ODF4: variants seen among roughly 807,000 people sequenced by gnomAD.
ODF4 encodes outer dense fiber protein 4.
ODF4 carries 11 observed loss-of-function variants against 17.0 expected under a neutral mutation model. The ratio of observed to expected loss-of-function variants is 0.65; its 90% CI spans 0.41 to 1.07. The LOEUF (loss-of-function observed/expected upper bound fraction) is 1.07. Ranked by LOEUF, ODF4 falls within the 50% of genes least tolerant of loss-of-function variation. The probability of loss-of-function intolerance (pLI) is 0.00; values close to 1 mark genes in which losing one functional copy is unlikely to be tolerated. For missense variants in ODF4, 281 were observed against 310.2 expected (o/e 0.91, Z 0.71); for synonymous variants, 127 against 121.8 (o/e 1.04, Z -0.28).
At position 8,340,493 on chromosome 17, in the gene ODF4, G is replaced by C. The variant is rs991948755; in HGVS notation, c.442G>C (p.Glu148Gln). ...FYKSRSCSDLENGKVTFIFST... is the reference protein window; with the variant it reads ...FYKSRSCSDLQNGKVTFIFST... Reference sequence around the variant, plus strand: ...CAAATCCAGGAGCTGTTCTGACTTAGAGAATGGGAAAGGTGAGCCCCTCCA... The same window carrying C: ...CAAATCCAGGAGCTGTTCTGACTTACAGAATGGGAAAGGTGAGCCCCTCCA... Residue 148 changes from glutamate to glutamine, a missense_variant, in exon 1 of 3, where the codon GAG (glutamate) becomes CAG (glutamine). Physicochemically the swap from Glu to Gln is conservative, Grantham distance 29. Coordinates refer to ENST00000328248, the MANE Select transcript of ODF4 (RefSeq NM_153007.5). 13 of 1,609,496 alleles carry C rather than the reference G, an allele frequency of 8.1e-6. No homozygotes were observed. Among genetic ancestry groups the C allele is most frequent in the Non-Finnish European group, 1.1e-5 (13 of 1,177,600 alleles).
chr17:8,340,497 A>G lies in ODF4; in HGVS notation c.446A>G (p.Asn149Ser). 6.2e-7 allele frequency: 1 copy of G among 1,606,960 alleles called. No homozygotes were observed. The highest frequency in any genetic ancestry group is 8.5e-7 in the Non-Finnish European group (1 of 1,175,514). Residue 149 changes from asparagine (N) to serine (S), a missense_variant, in exon 1 of 3, where the codon AAT becomes AGT. Asn to Ser is a conservative substitution (Grantham distance 46). Transcript: ENST00000328248. ...TCCAGGAGCTGTTCTGACTTAGAGA[A>G]TGGGAAAGGTGAGCCCCTCCACCCC... ...YKSRSCSDLE[N>S]GKVTFIFSTL...
At chr17:8,340,571 C>A in intron 1 of ODF4, 66 bp downstream of exon 1, 1 of 910,030 alleles carries the variant, frequency 1.1e-6, no homozygotes, top group South Asian at 1.5e-5. Flanking sequence ...TATCTGCACC[C>A]TGGATGTATT....
At position 8,345,898 on chromosome 17, in the gene ODF4, C is replaced by G. The variant is rs748731505; in HGVS notation, c.*46C>G. The G allele has an allele frequency of 2.0e-6, 3 of 1,508,934 alleles. No homozygotes were observed. The East Asian group carries it at 6.8e-5, about 34-fold the overall frequency. 93.5% of individuals were successfully genotyped at this position (1,508,934 alleles called of 1,614,324 possible). ...CCAAGTTCTGTCCATTCATCTGACC[C>G]CATCTCCTCATCCTCCCCCAGCCCT... is the stretch of plus-strand genomic sequence containing the variant. On this transcript the variant is annotated 3_prime_UTR_variant, in exon 3 of 3. Coordinates refer to ENST00000328248, the MANE Select transcript of ODF4 (RefSeq NM_153007.5). This position sits in a 1 kb window ranked among gnomAD's most constrained non-coding sequence, Gnocchi z 4.1.
At chr17:8,344,496 C>CTTTTTTG (rs1417413125) in intron 1 of ODF4, among the ~76,000 whole-genome samples, 1 of 126,690 alleles carries the variant, frequency 7.9e-6, no homozygotes, top group Non-Finnish European at 1.7e-5. Flanking sequence ...TTCTTTCTGT[C>CTTTTTTG]TTTTTTGTTT....
At position 8,344,779 on chromosome 17, in the gene ODF4, G is replaced by A. The variant is rs144731772; in HGVS notation, c.455-564G>A. 2.9e-4 allele frequency: 219 copies of A among 753,622 alleles called. 1 individual carries two copies. The African/African-American group carries it at 3.9e-3, about 13-fold the overall frequency. 46.7% of individuals were successfully genotyped at this position (753,622 alleles called of 1,614,324 possible). Reference sequence around the variant, plus strand: ...TAGGATTACAGGCGTGAGTCACCGCGCCTGGCGGTACATTTTCTTGTATTT... The same window carrying A: ...TAGGATTACAGGCGTGAGTCACCGCACCTGGCGGTACATTTTCTTGTATTT... On this transcript the variant is annotated intron_variant, in intron 1 of 2. Transcript: ENST00000328248.
chr17:8,345,046 C>A lies in ODF4; in HGVS notation c.455-297C>A, dbSNP rs1252810236. ...ACCATCTTGAGCTTCTGTGAAGGTG[C>A]CTCCTAGCTCTGGAAAGGTCCTTTG... On this transcript the variant is annotated intron_variant, in intron 1 of 2. Transcript: ENST00000328248. The surrounding 1 kb of genome is among the most constrained non-coding windows in gnomAD (Gnocchi z 4.1). The A allele has an allele frequency of 1.7e-5, 18 of 1,083,064 alleles. No individual in the cohort carries two copies. The highest frequency in any genetic ancestry group is 2.0e-5 in the Non-Finnish European group (18 of 879,990). 67.1% of individuals were successfully genotyped at this position (1,083,064 alleles called of 1,614,324 possible). A position where few individuals can be genotyped will look rare whatever the true frequency, so the allele number is the denominator to read the frequency against.
At position 8,344,778 on chromosome 17, in the gene ODF4, C is replaced by T. The variant is rs564592902; in HGVS notation, c.455-565C>T. 2.9e-4 allele frequency: 219 copies of T among 754,740 alleles called. 1 individual carries two copies. The African/African-American group carries it at 3.5e-3, about 12-fold the overall frequency. The allele number at this position is 754,740 out of a possible 1,614,324, so 46.8% of individuals were successfully genotyped here. On this transcript the variant is annotated intron_variant, in intron 1 of 2. Coordinates refer to ENST00000328248, the MANE Select transcript of ODF4 (RefSeq NM_153007.5). ...CTAGGATTACAGGCGTGAGTCACCG[C>T]GCCTGGCGGTACATTTTCTTGTATT... is the stretch of plus-strand genomic sequence containing the variant.
chr17:8,345,028 T>C lies in ODF4; in HGVS notation c.455-315T>C. 9.1e-7 allele frequency: 1 copy of C among 1,094,314 alleles called. No homozygotes were observed. The highest frequency in any genetic ancestry group is 3.1e-5 in the South Asian group (1 of 32,436). 67.8% of individuals were successfully genotyped at this position (1,094,314 alleles called of 1,614,324 possible). ...CCCTTTGTGGGCTTCGGGACCATCT[T>C]GAGCTTCTGTGAAGGTGCCTCCTAG... On this transcript the variant is annotated intron_variant, in intron 1 of 2. Transcript: ENST00000328248. This position sits in a 1 kb window ranked among gnomAD's most constrained non-coding sequence, Gnocchi z 4.1.
rs1207019461 is a variant in ODF4 at position 8,340,377 on chromosome 17, G to T, written c.326G>T (p.Arg109Met). The change falls in exon 1 of 3, where the codon AGG becomes ATG. Residue 109 changes from arginine (R) to methionine (M), a missense_variant. By Grantham distance (91) the Arg-to-Met change is moderately conservative (BLOSUM62 -1). Coordinates refer to ENST00000328248, the MANE Select transcript of ODF4 (RefSeq NM_153007.5). ...TCCAAGAAATGGCTGGACCTCTCTAGGAGCCTCTTCTACCAGCGCTGGCCC... is the reference window on the plus strand; with the variant it reads ...TCCAAGAAATGGCTGGACCTCTCTATGAGCCTCTTCTACCAGCGCTGGCCC... ...AFSKKWLDLS[R>M]SLFYQRWPVD... is the part of the protein sequence containing the mutation. 6.2e-7 allele frequency: 1 copy of T among 1,613,456 alleles called. No individual in the cohort carries two copies. The highest frequency in any genetic ancestry group is 1.7e-5 in the Admixed American group (1 of 59,896).
chr17:8,344,630 A>G (rs1438608854), intron 1 of ODF4, among the ~76,000 whole-genome samples: 1 of 129,410 alleles, frequency 7.7e-6, no homozygotes, highest in African/African-American at 3.2e-5. Flanking sequence ...CTGAGACTAC[A>G]GGCATGCACC....
In ODF4 at chr17:8,345,953, A is replaced by G; in HGVS notation, c.*101A>G. The G allele has an allele frequency of 1.1e-6, 1 of 934,368 alleles. No individual in the cohort carries two copies. Among genetic ancestry groups the G allele is most frequent in the Non-Finnish European group, 1.6e-6 (1 of 608,234 alleles). 57.9% of individuals were successfully genotyped at this position (934,368 alleles called of 1,614,324 possible). ...TAGGTTGGTCCTCATCATTGCAAGG[A>G]ATGAGAAAGGGAGGATTTTGCACTC... On this transcript the variant is annotated 3_prime_UTR_variant, in exon 3 of 3. Coordinates refer to ENST00000328248, the MANE Select transcript of ODF4 (RefSeq NM_153007.5). The surrounding 1 kb of genome is among the most constrained non-coding windows in gnomAD (Gnocchi z 4.1).
At chr17:8,342,494 C>G (rs1182783261) in intron 1 of ODF4, among the ~76,000 whole-genome samples, 1 of 135,454 alleles carries the variant, frequency 7.4e-6, no homozygotes, top group Non-Finnish European at 1.6e-5. Context: ...CCGCCTGCCT[C>G]GGCCTCCCAA....
In ODF4 at chr17:8,340,506, G is replaced by C; in HGVS notation, c.454+1G>C. 1 of 1,597,010 alleles carries C rather than the reference G, an allele frequency of 6.3e-7. No individual in the cohort carries two copies. Reference sequence around the variant, plus strand: ...TGTTCTGACTTAGAGAATGGGAAAGGTGAGCCCCTCCACCCCCCATCCCAG... The same window carrying C: ...TGTTCTGACTTAGAGAATGGGAAAGCTGAGCCCCTCCACCCCCCATCCCAG... On this transcript the variant is annotated splice_donor_variant, in intron 1 of 2. Transcript: ENST00000328248. LOFTEE classifies it high-confidence loss of function.
chr17:8,340,523 C>T lies in ODF4; in HGVS notation c.454+18C>T, dbSNP rs773201617. Reference sequence around the variant, plus strand: ...TGGGAAAGGTGAGCCCCTCCACCCCCCATCCCAGCCCAGGCCGCCAGCCTG... The same window carrying T: ...TGGGAAAGGTGAGCCCCTCCACCCCTCATCCCAGCCCAGGCCGCCAGCCTG... On this transcript the variant is annotated intron_variant, in intron 1 of 2. Coordinates refer to ENST00000328248, the MANE Select transcript of ODF4 (RefSeq NM_153007.5). 3.3e-6 allele frequency: 5 copies of T among 1,504,360 alleles called. No individual in the cohort carries two copies. Among genetic ancestry groups the T allele is most frequent in the Non-Finnish European group, 4.6e-6 (5 of 1,087,866 alleles). 93.2% of individuals were successfully genotyped at this position (1,504,360 alleles called of 1,614,324 possible). A position where few individuals can be genotyped will look rare whatever the true frequency, so the allele number is the denominator to read the frequency against.
At chr17:8,340,599 GTCA>G in intron 1 of ODF4, 94 bp downstream of exon 1, 1 of 734,952 alleles carries the variant, frequency 1.4e-6, no homozygotes, top group Non-Finnish European at 2.2e-6. Context: ...CCTCTTTCTG[GTCA>G]TCTTTACTTT....
chr17:8,341,129 G>A (rs1355109297), intron 1 of ODF4, among the ~76,000 whole-genome samples: 1 of 151,940 alleles, frequency 6.6e-6, no homozygotes, highest in Non-Finnish European at 1.5e-5. Flanking sequence ...GGTGGAGGTT[G>A]CGGTGAGCCG....
rs1905932475 is a variant in ODF4 at position 8,339,862 on chromosome 17, T to G, written c.-190T>G. 2.7e-6 allele frequency: 1 copy of G among 365,876 alleles called. No homozygotes were observed. 22.7% of individuals were successfully genotyped at this position (365,876 alleles called of 1,614,324 possible). ...TCCGTGGCAGTTAGGGGACCTGGCC[T>G]GCTGAATGGGTTGGGGCCTTCTCTT... On this transcript the variant is annotated 5_prime_UTR_variant, in exon 1 of 3. Coordinates refer to ENST00000328248, the MANE Select transcript of ODF4 (RefSeq NM_153007.5).
chr17:8,340,294 G>A lies in ODF4; in HGVS notation c.243G>A (p.Gln81=). ...CACACAGCTTCCGCTGGATGGCCCAGGTGTTGGCCTCTGAGCTCAGCCTGG... is the reference window on the plus strand; with the variant it reads ...CACACAGCTTCCGCTGGATGGCCCAAGTGTTGGCCTCTGAGCTCAGCCTGG... ...RITHSFRWMA[Q]VLASELSLVA... Residue 81 remains glutamine, a synonymous_variant, in exon 1 of 3, where the codon CAG becomes CAA. Transcript: ENST00000328248. 1 of 1,613,940 alleles carries A rather than the reference G, an allele frequency of 6.2e-7. No individual in the cohort carries two copies. The highest frequency in any genetic ancestry group is 1.7e-5 in the Admixed American group (1 of 59,966).
rs1160324532 is a variant in ODF4 at position 8,340,119 on chromosome 17, C to A, written c.68C>A (p.Pro23His). The A allele has an allele frequency of 1.9e-6, 3 of 1,548,242 alleles. No individual in the cohort carries two copies. The highest frequency in any genetic ancestry group is 2.6e-6 in the Non-Finnish European group (3 of 1,149,462). Residue 23 changes from proline (P) to histidine (H), a missense_variant, in exon 1 of 3, where the codon CCT (proline) becomes CAT (histidine). Transcript: ENST00000328248. ...GGAGAAAGAGACCAACATCAGAGAC[C>A]TGGAAAGGAAAGGAAGAGTGGGGAG... ...SEGERDQHQRPGKERKSGEAG... is the reference protein window; with the variant it reads ...SEGERDQHQRHGKERKSGEAG...
Sources: gnomAD v4.1 joint callset for allele counts (sites outside exome capture counted in the v4.1 genomes callset) on GRCh38, gnomAD v4.1.1 for gene constraint, Gnocchi (gnomAD v3.1) non-coding constraint, MANE v1.5 for transcripts, NCBI Gene and HGNC (gene_info 2026-07-23, HGNC 2026-07-21) for gene names.